The following POLD3 variants were observed in gnomAD, a reference collection of about 807,000 sequenced individuals.
POLD3 encodes the protein DNA polymerase delta subunit 3.
Under a neutral mutation model 58.2 loss-of-function variants are expected in POLD3, and 19 were observed. That is an observed-to-expected ratio of 0.33 (90% CI 0.23 to 0.48). The LOEUF is 0.48. Among genes scored for constraint, POLD3 ranks in the 20% least tolerant of loss-of-function variants. The pLI is 0.99. For missense variants in POLD3, 504 were observed against 545.5 expected (o/e 0.92, Z 0.76); for synonymous variants, 172 against 193.5 (o/e 0.89, Z 0.92).
chr11:74,634,602 G>A lies in POLD3; in HGVS notation c.1026G>A (p.Gly342=). ...TTTCAGTCTTTCCAGACTCTCCTGG[G>A]GCTTATGAAGCTGAGTCACCATCCC... ...SEDEVFPDSP[G]AYEAESPSPP... The change falls in exon 10 of 12, where the codon GGG becomes GGA. Residue 342 remains glycine, a synonymous_variant. Transcript: ENST00000263681. 1.2e-6 allele frequency: 2 copies of A among 1,606,544 alleles called. No individual in the cohort carries two copies. Among genetic ancestry groups the A allele is most frequent in the Non-Finnish European group, 1.7e-6 (2 of 1,173,316 alleles).
At chr11:74,625,906 T>TGTGTGTGTGTG (rs1565123222) in intron 8 of POLD3, among the ~76,000 whole-genome samples, 13 of 151,632 alleles carry the variant, frequency 8.6e-5, no homozygotes, top group South Asian at 4.2e-4. Flanking sequence ...TGTGTGTGTG[T>TGTGTGTGTGTG]TTCACTTCAA....
At chr11:74,604,201 C>T (rs2031596399) in intron 2 of POLD3, among the ~76,000 whole-genome samples, 1 of 152,196 alleles carries the variant, frequency 6.6e-6, no homozygotes, top group Admixed American at 6.5e-5. Context: ...CAAAAAAGCA[C>T]ATAAACATTT....
chr11:74,645,672 A>G (rs184036482), downstream of POLD3, among the ~76,000 whole-genome samples: 497 of 152,330 alleles, frequency 3.3e-3, 1 homozygote, highest in South Asian at 8.3e-3. Flanking sequence ...AGTCCCCAGT[A>G]TTTTGACACC....
intron 2 of POLD3, 174 bp from the exon 3 acceptor site, chr11:74,604,518 T>A: frequency 1.7e-6 from 1 of 572,416 alleles, no homozygotes; most frequent in Non-Finnish European, 3.1e-6. Flanking sequence ...CCATGTCCTG[T>A]CTGAAGTCCA....
chr11:74,661,541 A>G (rs1234004150), intron 4 of POLD3, among the ~76,000 whole-genome samples: 2 of 152,118 alleles, frequency 1.3e-5, no homozygotes, highest in African/African-American at 4.8e-5. Context: ...ACTTTCTCCC[A>G]GTCTTTCACT....
intron 2 of POLD3, among the ~76,000 whole-genome samples, chr11:74,604,409 T>C (rs1434638651): frequency 6.6e-6 from 1 of 152,230 alleles, no homozygotes; most frequent in Admixed American, 6.5e-5. Flanking sequence ...TCATTGCCAC[T>C]GTTTTAATGC....
chr11:74,663,801 A>G (rs915853327), intron 4 of POLD3, among the ~76,000 whole-genome samples: 1 of 152,218 alleles, frequency 6.6e-6, no homozygotes, highest in African/African-American at 2.4e-5. Context: ...AAAAGACACC[A>G]TTAAGAAATA....
chr11:74,648,484 G>A (rs4944925), intron 4 of POLD3, among the ~76,000 whole-genome samples: 40,765 of 152,080 alleles, frequency 0.27, 5,891 homozygotes, highest in South Asian at 0.41. Flanking sequence ...CTGCCTGAGG[G>A]ATTAAGGGAA....
chr11:74,638,529 A>G (rs1232108519), intron 11 of POLD3: 6 of 432,822 alleles, frequency 1.4e-5, no homozygotes, highest in African/African-American at 1.0e-4. Context: ...TCCTTTCTGT[A>G]TCTGTAGATG....
chr11:74,632,877 T>TACACACACACACAC (rs71036003), intron 9 of POLD3, among the ~76,000 whole-genome samples: 3,839 of 115,592 alleles, frequency 0.033, 291 homozygotes, highest in African/African-American at 0.077. Flanking sequence ...TTTAAGTAAA[T>TACACACACACACAC]ACACACACAC....
chr11:74,633,390 T>G (rs959619669), intron 9 of POLD3, among the ~76,000 whole-genome samples: 2 of 152,214 alleles, frequency 1.3e-5, no homozygotes, highest in African/African-American at 4.8e-5. Flanking sequence ...GGGGCCCATT[T>G]TATACTTAAA....
intron 2 of POLD3, among the ~76,000 whole-genome samples, chr11:74,597,632 T>C (rs1750875827): frequency 6.6e-6 from 1 of 152,222 alleles, no homozygotes; most frequent in Non-Finnish European, 1.5e-5. Flanking sequence ...GGTTACTTTT[T>C]GTATTTTTTG....
At chr11:74,619,141 T>A (rs531577472) in intron 6 of POLD3, among the ~76,000 whole-genome samples, 34 of 152,352 alleles carry the variant, frequency 2.2e-4, no homozygotes, top group African/African-American at 7.9e-4. Context: ...AATATGTCTT[T>A]CTGAGGAACA....
At chr11:74,645,638 G>A (rs1161947882), downstream of POLD3, among the ~76,000 whole-genome samples, 1 of 152,162 alleles carries the variant, frequency 6.6e-6, no homozygotes, top group Non-Finnish European at 1.5e-5. Context: ...TTGCTTTAGG[G>A]CGTTAATGAA....
intron 7 of POLD3, among the ~76,000 whole-genome samples, chr11:74,622,823 T>C (rs2032306777): frequency 6.6e-6 from 1 of 150,620 alleles, no homozygotes; most frequent in South Asian, 2.1e-4. Flanking sequence ...TACCCAGCAG[T>C]TCCTCTCCTA....
chr11:74,596,581 C>T (rs1249459021), intron 2 of POLD3, among the ~76,000 whole-genome samples: 1 of 152,148 alleles, frequency 6.6e-6, no homozygotes, highest in Non-Finnish European at 1.5e-5. Context: ...TTAAATCTAG[C>T]TAATAAATGT....
chr11:74,639,625 G>A (rs2032853108), intron 11 of POLD3, among the ~76,000 whole-genome samples: 1 of 152,166 alleles, frequency 6.6e-6, no homozygotes, highest in Non-Finnish European at 1.5e-5. Context: ...TCTTGTGGTT[G>A]GTATATGTGT....
intron 2 of POLD3, 41 bp downstream of exon 2, chr11:74,594,157 T>A: frequency 1.6e-6 from 2 of 1,245,962 alleles, no homozygotes; most frequent in Non-Finnish European, 2.4e-6. Flanking sequence ...TATTGGAATT[T>A]TTTTTTGTTT....
At chr11:74,654,101 TCAAACACCTCCCCTCAG>T in intron 4 of POLD3, among the ~76,000 whole-genome samples, 1 of 152,248 alleles carries the variant, frequency 6.6e-6, no homozygotes, top group Middle Eastern at 3.4e-3. Context: ...CCCAGATGAC[TCAAACACCTCCCCTCAG>T]CCCTGACTTC....
Sources: gnomAD v4.1 joint callset for allele counts (sites outside exome capture counted in the v4.1 genomes callset) on GRCh38, gnomAD v4.1.1 for gene constraint, MANE v1.5 for transcripts, NCBI Gene and HGNC (gene_info 2026-07-23, HGNC 2026-07-21) for gene names.